The following FMN2 variants were observed in gnomAD, a reference collection of about 807,000 sequenced individuals.
The protein encoded by FMN2 is formin 2.
Under a neutral mutation model 142.3 loss-of-function variants are expected in FMN2, and 51 were observed. The observed-to-expected ratio is 0.36, with a 90% CI of 0.29 to 0.45. The LOEUF (loss-of-function observed/expected upper bound fraction) is 0.45, where lower values mean the gene tolerates loss of function less well. Ranked by LOEUF, FMN2 falls within the 20% of genes least tolerant of loss-of-function variation. The pLI, the probability that FMN2 is intolerant of heterozygous loss-of-function variation, is 1.00. For synonymous variants in FMN2, 882 were observed against 869.8 expected, an observed-to-expected ratio of 1.01 and a Z score of -0.25; for missense variants, 1,936 against 2,122.8, an observed-to-expected ratio of 0.91 and a Z score of 1.73.
Position 240,334,319 on chromosome 1 carries a change from T to G in FMN2, c.4765+90T>G, listed in dbSNP as rs1671490204. 17 of 1,378,358 alleles carry G rather than the reference T, an allele frequency of 1.2e-5. No homozygotes were observed. In the South Asian group the frequency reaches 1.4e-4, roughly 12 times the overall value. 85.4% of individuals were successfully genotyped at this position (1,378,358 alleles called of 1,614,324 possible). On this transcript the variant is annotated intron_variant, in intron 13 of 17. Coordinates refer to ENST00000319653, the MANE Select transcript of FMN2 (RefSeq NM_020066.5). ...TCAATGTTTTTAGAGAAAAGTAATC[T>G]TTTTTATCTTTATAGAACTAAATTT...
intron 6 of FMN2, among the ~76,000 whole-genome samples, chr1:240,213,586 C>G (rs1666774641): frequency 6.6e-6 from 1 of 152,144 alleles, no homozygotes; most frequent in African/African-American, 2.4e-5. Context: ...AATTGTTCCC[C>G]TTTTTATGGG....
chr1:240,161,441 G>T (rs1664276294), intron 2 of FMN2, among the ~76,000 whole-genome samples: 1 of 151,930 alleles, frequency 6.6e-6, no homozygotes, highest in Admixed American at 6.6e-5. Flanking sequence ...GCTGACACAG[G>T]AGAATGGCGT....
At chr1:240,416,071 C>T (rs572038833) in intron 15 of FMN2, among the ~76,000 whole-genome samples, 4 of 152,234 alleles carry the variant, frequency 2.6e-5, no homozygotes, top group African/African-American at 9.6e-5. Flanking sequence ...TACTCCTGCA[C>T]ACATCAGTCT....
chr1:240,128,404 A>G (rs1397754504), intron 2 of FMN2, among the ~76,000 whole-genome samples: 2 of 152,232 alleles, frequency 1.3e-5, no homozygotes, highest in African/African-American at 2.4e-5. Flanking sequence ...TTACATCACC[A>G]AGAGTTAAGC....
chr1:240,200,457 G>A (rs1158120384), intron 4 of FMN2, among the ~76,000 whole-genome samples: 5 of 152,076 alleles, frequency 3.3e-5, no homozygotes, highest in Non-Finnish European at 7.4e-5. Flanking sequence ...AGAGCCAGCC[G>A]GCCCTTGACT....
chr1:240,135,405 A>C (rs1662895607), intron 2 of FMN2, among the ~76,000 whole-genome samples: 1 of 152,208 alleles, frequency 6.6e-6, no homozygotes. Flanking sequence ...TTATGAAGTC[A>C]ATTTATTTCA....
intron 4 of FMN2, among the ~76,000 whole-genome samples, chr1:240,204,751 C>T (rs529981921): frequency 6.9e-6 from 1 of 145,790 alleles, no homozygotes; most frequent in Non-Finnish European, 1.5e-5. Context: ...AACTCCGTCG[C>T]AAAAAAAAAA....
intron 14 of FMN2, among the ~76,000 whole-genome samples, chr1:240,372,051 C>G (rs570808749): frequency 2.6e-5 from 4 of 151,924 alleles, no homozygotes; most frequent in Admixed American, 2.0e-4. Flanking sequence ...GCCAGGTCAA[C>G]GTGGTGAAAC....
chr1:240,190,762 A>G (rs1422002100), intron 4 of FMN2, among the ~76,000 whole-genome samples: 1 of 152,204 alleles, frequency 6.6e-6, no homozygotes, highest in African/African-American at 2.4e-5. Context: ...AATTTATTTT[A>G]TTATATGTAA....
At chr1:240,217,302 A>G (rs1666942107) in intron 6 of FMN2, among the ~76,000 whole-genome samples, 1 of 152,238 alleles carries the variant, frequency 6.6e-6, no homozygotes, top group Admixed American at 6.5e-5. Flanking sequence ...AGAGTGACAG[A>G]CTGAATGATA....
intron 6 of FMN2, among the ~76,000 whole-genome samples, chr1:240,252,425 C>T (rs528581428): frequency 2.6e-5 from 4 of 152,180 alleles, no homozygotes; most frequent in African/African-American, 9.6e-5. Context: ...CTACCATAAG[C>T]TTTTATTGTA....
At chr1:240,351,470 C>A (rs1672095499) in intron 13 of FMN2, among the ~76,000 whole-genome samples, 2 of 151,934 alleles carry the variant, frequency 1.3e-5, no homozygotes, top group Admixed American at 6.6e-5. Context: ...TACATGTTTC[C>A]CAGTGTGCAC....
chr1:240,235,926 T>G (rs1434961022), intron 6 of FMN2: 1 of 152,232 alleles, frequency 6.6e-6, no homozygotes, highest in Non-Finnish European at 1.5e-5. Context: ...TCCTGATCAT[T>G]CAGATGTTTC....
intron 8 of FMN2, among the ~76,000 whole-genome samples, chr1:240,295,417 G>A (rs1173209054): frequency 6.6e-6 from 1 of 152,054 alleles, no homozygotes; most frequent in Non-Finnish European, 1.5e-5. Context: ...CTGAAAGTTT[G>A]TACCTTTTGA....
chr1:240,287,894 G>A (rs764029037), intron 7 of FMN2, among the ~76,000 whole-genome samples: 12 of 152,174 alleles, frequency 7.9e-5, no homozygotes, highest in Non-Finnish European at 1.3e-4. Context: ...AATAAGTTGT[G>A]TGGTCACTGT....
intron 15 of FMN2, among the ~76,000 whole-genome samples, chr1:240,402,810 A>C (rs1460537408): frequency 6.6e-6 from 1 of 152,232 alleles, no homozygotes; most frequent in Non-Finnish European, 1.5e-5. Context: ...TTTATATTTA[A>C]ATTTAAAAAA....
chr1:240,180,915 T>G (rs1372605835), intron 3 of FMN2, among the ~76,000 whole-genome samples: 1 of 152,086 alleles, frequency 6.6e-6, no homozygotes, highest in African/African-American at 2.4e-5. Context: ...TGACATTTTC[T>G]GAAGAAGAAA....
intron 6 of FMN2, among the ~76,000 whole-genome samples, chr1:240,234,239 C>T (rs1667622167): frequency 6.6e-6 from 1 of 152,044 alleles, no homozygotes. Context: ...TTTGCATTAA[C>T]AACCTCCTCA....
At position 240,295,031 on chromosome 1, in the gene FMN2, A is replaced by G. The variant is rs146770683; in HGVS notation, c.4215+148A>G. On this transcript the variant is annotated intron_variant, in intron 8 of 17. Coordinates refer to ENST00000319653, the MANE Select transcript of FMN2 (RefSeq NM_020066.5). ...TGCCTAAGTAGGTGTTTGTTACAAT[A>G]CTTTCTAGGAACATATCAAACAAAT... 293 of 596,790 alleles carry G rather than the reference A, an allele frequency of 4.9e-4. No homozygotes were observed. In the African/African-American group the frequency reaches 5.0e-3, roughly 10 times the overall value. The allele number at this position is 596,790 out of a possible 1,614,324, so 37.0% of individuals were successfully genotyped here.
Sources: gnomAD v4.1 joint callset for allele counts (sites outside exome capture counted in the v4.1 genomes callset) on GRCh38, gnomAD v4.1.1 for gene constraint, MANE v1.5 for transcripts, NCBI Gene and HGNC (gene_info 2026-07-23, HGNC 2026-07-21) for gene names.